The following MGA variants were observed in gnomAD, a reference collection of about 807,000 sequenced individuals.
The protein encoded by MGA is MAX gene-associated protein.
A neutral mutation model predicts 261.1 loss-of-function variants in MGA; 40 were observed. The ratio of observed to expected loss-of-function variants is 0.15; its 90% CI spans 0.12 to 0.20. The LOEUF is 0.20. Ranked by LOEUF, MGA falls within the 10% of genes least tolerant of loss-of-function variation. The pLI is 1.00. For missense variants in MGA, 3,397 were observed against 3,630.5 expected, an observed-to-expected ratio of 0.94 and a Z score of 1.65; for synonymous variants, 1,302 against 1,290.6, an observed-to-expected ratio of 1.01 and a Z score of -0.19.
intron 2 of MGA, among the ~76,000 whole-genome samples, chr15:41,674,708 CG>C: frequency 6.6e-6 from 1 of 152,040 alleles, no homozygotes; most frequent in Non-Finnish European, 1.5e-5. Context: ...TTAGTAGAGA[CG>C]GGGTTTCACC....
Position 41,749,411 on chromosome 15 carries a change from G to A in MGA, c.5804G>A (p.Ser1935Asn). Residue 1935 changes from serine to asparagine, a missense_variant, in exon 17 of 24, where the codon AGT (serine) becomes AAT (asparagine). This residue lies in a region of MGA where 1,410 missense variants were observed against 1,386.4 expected (regional missense o/e 1.02). Transcript: ENST00000219905. ...GGAGGACAGCCTGTTGGTACAGCCA[G>A]TCTTATTCCTCTCCAGTCTGGTAGT... 1 of 1,614,048 alleles carries A rather than the reference G, an allele frequency of 6.2e-7. No individual in the cohort carries two copies.
At chr15:41,674,798 G>GT (rs1680921692) in intron 2 of MGA, among the ~76,000 whole-genome samples, 2 of 152,222 alleles carry the variant, frequency 1.3e-5, no homozygotes, top group Admixed American at 6.5e-5. Flanking sequence ...GATTACAGGC[G>GT]TGAGCCACGG....
chr15:41,638,082 GC>G (rs2056746139), intron 1 of MGA, among the ~76,000 whole-genome samples: 1 of 108,862 alleles, frequency 9.2e-6, no homozygotes, highest in Non-Finnish European at 1.7e-5. Context: ...TTGCTCTGTC[GC>G]CCAGGCTGGA....
chr15:41,738,584 T>TGGTG (rs1187658756), intron 13 of MGA, among the ~76,000 whole-genome samples: 2 of 152,208 alleles, frequency 1.3e-5, no homozygotes, highest in African/African-American at 4.8e-5. Context: ...ATACAATTTC[T>TGGTG]AGTGAGACTA....
intron 13 of MGA, among the ~76,000 whole-genome samples, chr15:41,737,157 A>T (rs528489192): frequency 1.3e-4 from 20 of 152,246 alleles, no homozygotes; most frequent in African/African-American, 4.8e-4. Context: ...GGAAAATTTT[A>T]AAAATTTTTA....
intron 12 of MGA, among the ~76,000 whole-genome samples, chr15:41,735,121 A>G (rs189859958): frequency 6.2e-4 from 94 of 152,312 alleles, no homozygotes; most frequent in Non-Finnish European, 1.1e-3. Context: ...ACGTCATGGT[A>G]CATACAAATA....
At position 41,668,816 on chromosome 15, in the gene MGA, C is replaced by A; in HGVS notation, c.-67-12C>A. 2 of 1,105,080 alleles carry A rather than the reference C, an allele frequency of 1.8e-6. No homozygotes were observed. The highest frequency in any genetic ancestry group is 2.6e-5 in the South Asian group (1 of 38,280). 68.5% of individuals were successfully genotyped at this position (1,105,080 alleles called of 1,614,324 possible). A position where few individuals can be genotyped will look rare whatever the true frequency, so the allele number is the denominator to read the frequency against. ...GTTTTTTGTTTTTGGTTTTTTTTTG[C>A]TTGTTTCTTAGGATGGGAAGGCCAT... On this transcript the variant is annotated splice_polypyrimidine_tract_variant and intron_variant, in intron 1 of 23. Transcript: ENST00000219905.
intron 2 of MGA, among the ~76,000 whole-genome samples, chr15:41,691,173 G>A (rs938136354): frequency 2.0e-5 from 3 of 151,850 alleles, no homozygotes; most frequent in Non-Finnish European, 2.9e-5. Flanking sequence ...GTCCATAAAC[G>A]TGGGATATTT....
chr15:41,692,029 C>A (rs2059318050), intron 2 of MGA, among the ~76,000 whole-genome samples: 1 of 151,858 alleles, frequency 6.6e-6, no homozygotes, highest in South Asian at 2.1e-4. Context: ...CTTTGTTTCT[C>A]TTGTCTTTTT....
At chr15:41,737,275 A>G (rs2061834435) in intron 13 of MGA, among the ~76,000 whole-genome samples, 1 of 151,456 alleles carries the variant, frequency 6.6e-6, no homozygotes, top group African/African-American at 2.4e-5. Context: ...CAGGCATGTG[A>G]CACCACACCT....
At chr15:41,700,034 C>G (rs1272115612) in intron 5 of MGA, among the ~76,000 whole-genome samples, 1 of 141,966 alleles carries the variant, frequency 7.0e-6, no homozygotes, top group Non-Finnish European at 1.5e-5. Context: ...ATCAACCTGT[C>G]ATCGAGGTTT....
At chr15:41,704,754 A>G (rs900186917) in intron 5 of MGA, among the ~76,000 whole-genome samples, 3 of 152,242 alleles carry the variant, frequency 2.0e-5, no homozygotes, top group African/African-American at 7.2e-5. Flanking sequence ...ATAGGTGTTT[A>G]TAGAACTATA....
At chr15:41,674,420 A>G (rs2058259641) in intron 2 of MGA, among the ~76,000 whole-genome samples, 1 of 150,470 alleles carries the variant, frequency 6.6e-6, no homozygotes, top group South Asian at 2.1e-4. Context: ...CTGGTCTTGA[A>G]CTCCTGACCT....
At chr15:41,693,958 T>C (rs1018674713) in intron 2 of MGA, among the ~76,000 whole-genome samples, 17 of 152,166 alleles carry the variant, frequency 1.1e-4, no homozygotes, top group African/African-American at 3.9e-4. Flanking sequence ...ATCACTGCCT[T>C]GCAGTGATTT....
At chr15:41,740,245 TG>T (rs748713085) in intron 14 of MGA, 42 bp downstream of exon 14, 2 of 1,595,488 alleles carry the variant, frequency 1.3e-6, no homozygotes, top group Admixed American at 3.4e-5. Flanking sequence ...GCCTATGACT[TG>T]GTGGTGGGAC....
Position 41,743,151 on chromosome 15 carries a change from C to A in MGA, c.5191C>A (p.Pro1731Thr), listed in dbSNP as rs772363630. ...TATACTCTCAGGAATTAATGGGAGT[C>A]CACCAGTGAGCCAGAGACCAGGTAA... The change falls in exon 15 of 24, where the codon CCA becomes ACA. Residue 1731 changes from proline to threonine, a missense_variant. This residue lies in a region of MGA where 1,410 missense variants were observed against 1,386.4 expected (regional missense o/e 1.02). Transcript: ENST00000219905. 9 of 1,610,532 alleles carry A rather than the reference C, an allele frequency of 5.6e-6. No homozygotes were observed. The African/African-American group carries it at 1.1e-4, about 19-fold the overall frequency.
chr15:41,682,929 C>G (rs12916992), intron 2 of MGA, among the ~76,000 whole-genome samples: 2 of 152,064 alleles, frequency 1.3e-5, no homozygotes, highest in African/African-American at 2.4e-5. Context: ...AAATTACTTA[C>G]GATGAAAAGA....
chr15:41,712,989 T>G (rs941734638), intron 8 of MGA, among the ~76,000 whole-genome samples, 162 bp from the exon 9 acceptor site: 1 of 152,246 alleles, frequency 6.6e-6, no homozygotes, highest in Non-Finnish European at 1.5e-5. Context: ...GCAGATTGTT[T>G]AGAGCCCTGG....
chr15:41,742,342 T>C (rs964578789), intron 14 of MGA, among the ~76,000 whole-genome samples: 1 of 151,934 alleles, frequency 6.6e-6, no homozygotes, highest in East Asian at 1.9e-4. Context: ...TGAGCCGAGA[T>C]CGCGCCATTG....
Sources: allele counts gnomAD v4.1 joint callset (sites outside exome capture counted in the v4.1 genomes callset), GRCh38; gene constraint gnomAD v4.1.1; regional missense constraint gnomAD v4.1.1; transcripts MANE v1.5; gene names NCBI Gene and HGNC (gene_info 2026-07-23, HGNC 2026-07-21).